The following UNC80 variants were observed in gnomAD, a reference collection of about 807,000 sequenced individuals.
The protein encoded by UNC80 is unc-80 subunit of NALCN channel complex.
A neutral mutation model predicts 384.6 loss-of-function variants in UNC80; 164 were observed. The ratio of observed to expected loss-of-function variants is 0.43; its 90% CI spans 0.38 to 0.49. The LOEUF is 0.49. Among genes scored for constraint, UNC80 ranks in the 20% least tolerant of loss-of-function variants. The pLI is 0.00. For synonymous variants in UNC80, 1,486 were observed against 1,527.8 expected (o/e 0.97, Z 0.64); for missense variants, 3,330 against 4,143.0 (o/e 0.80, Z 5.39).
rs928452376 is a variant in UNC80 at position 209,813,781 on chromosome 2, A to G, written c.1140A>G (p.Arg380=). The part of the protein sequence containing the change: ...PPEPDIPLLP[R]PRSSSMVAAA... ...AGCCAGATATTCCTCTCCTGCCCAG[A>G]CCCAGGAGTAGCTCCATGGTGGCAG... Residue 380 remains arginine (R), a synonymous_variant, in exon 8 of 65, where the codon AGA becomes AGG. Coordinates refer to ENST00000673920, the MANE Select transcript of UNC80 (RefSeq NM_001371986.1). The G allele has an allele frequency of 2.6e-6, 4 of 1,552,078 alleles. No homozygotes were observed. The highest frequency in any genetic ancestry group is 3.5e-6 in the Non-Finnish European group (4 of 1,147,072).
At chr2:209,879,440 G>A (rs1207376792) in intron 24 of UNC80, among the ~76,000 whole-genome samples, 1 of 152,106 alleles carries the variant, frequency 6.6e-6, no homozygotes, top group Non-Finnish European at 1.5e-5. Context: ...TTTTTGTTGA[G>A]ACTAGGTAGA....
intron 38 of UNC80, among the ~76,000 whole-genome samples, chr2:209,931,901 T>C (rs911458920): frequency 1.3e-5 from 2 of 152,218 alleles, no homozygotes; most frequent in African/African-American, 4.8e-5. Flanking sequence ...TTGGTGGTTT[T>C]CAGTCTCTCT....
chr2:209,825,974 T>C lies in UNC80; in HGVS notation c.2399T>C (p.Leu800Ser). ...LTMLIKIVKSLGCAYGCGEGH... is the reference protein window; with the variant it reads ...LTMLIKIVKSSGCAYGCGEGH... ...ATGCTCATCAAAATAGTGAAGTCTT[T>C]GGGATGTGCCTATGGTTGTGGTGAA... is the stretch of plus-strand genomic sequence containing the variant. The change falls in exon 14 of 65, where the codon TTG becomes TCG. Residue 800 changes from leucine to serine, a missense_variant. Transcript: ENST00000673920. The C allele has an allele frequency of 3.2e-6, 5 of 1,551,072 alleles. No homozygotes were observed. Among genetic ancestry groups the C allele is most frequent in the East Asian group, 2.4e-5 (1 of 40,890 alleles).
chr2:209,982,953 T>C (rs2093193349), intron 60 of UNC80: 1 of 53,186 alleles, frequency 1.9e-5, no homozygotes, highest in Admixed American at 1.6e-4. Context: ...TATATATATA[T>C]ATACACACAC....
At chr2:209,822,320 C>G (rs1294251755) in intron 13 of UNC80, among the ~76,000 whole-genome samples, 1 of 152,136 alleles carries the variant, frequency 6.6e-6, no homozygotes, top group Non-Finnish European at 1.5e-5. Context: ...TGAAAATTAT[C>G]TAAATAATGG....
chr2:209,980,493 C>T lies in UNC80; in HGVS notation c.9119-1686C>T, dbSNP rs979168032. 5.3e-5 allele frequency among the ~76,000 whole-genome samples: 8 copies of T among 152,252 alleles called. No homozygotes were observed. In the South Asian group the frequency reaches 1.5e-3, roughly 28 times the overall value. ...TGCTTATATCTCTGATCACAGACAT[C>T]GTAACCATCCCAATGAAAGCAAGAT... On this transcript the variant is annotated intron_variant, in intron 59 of 64. Transcript: ENST00000673920.
At position 209,787,734 on chromosome 2, in the gene UNC80, A is replaced by G. The variant is rs543190629; in HGVS notation, c.724+1545A>G. On this transcript the variant is annotated intron_variant, in intron 5 of 64. Coordinates refer to ENST00000673920, the MANE Select transcript of UNC80 (RefSeq NM_001371986.1). ...ATAGCCCATACAATTATATACGCACATAATACTTTATAATAATAACCAACA... is the reference window on the plus strand; with the variant it reads ...ATAGCCCATACAATTATATACGCACGTAATACTTTATAATAATAACCAACA... 8.5e-5 allele frequency among the ~76,000 whole-genome samples: 13 copies of G among 152,350 alleles called. No homozygotes were observed. The South Asian group carries it at 1.0e-3, about 12-fold the overall frequency.
At chr2:209,798,844 A>AT (rs1167727452) in intron 7 of UNC80, among the ~76,000 whole-genome samples, 36,542 of 126,580 alleles carry the variant, frequency 0.29, 5,628 homozygotes, top group Non-Finnish European at 0.33. Context: ...AGCCTGGCTA[A>AT]TTTTTTTTTT....
chr2:209,924,124 G>A (rs926299797), intron 35 of UNC80, among the ~76,000 whole-genome samples: 3 of 152,144 alleles, frequency 2.0e-5, no homozygotes, highest in Admixed American at 6.5e-5. Context: ...GTTAGTTTAT[G>A]TTGACTGCTT....
intron 47 of UNC80, among the ~76,000 whole-genome samples, chr2:209,950,325 A>G (rs1380023892): frequency 2.0e-5 from 3 of 152,000 alleles, no homozygotes; most frequent in African/African-American, 7.2e-5. Context: ...TGTTCCTGAT[A>G]TGCTTTTTTT....
intron 15 of UNC80, among the ~76,000 whole-genome samples, chr2:209,830,720 G>GA (rs2080893640): frequency 1.3e-5 from 2 of 152,196 alleles, no homozygotes; most frequent in Non-Finnish European, 2.9e-5. Flanking sequence ...GGATACCTAT[G>GA]AAAGATCCAG....
At chr2:209,828,792 A>G (rs992696827) in intron 14 of UNC80, among the ~76,000 whole-genome samples, 10 of 152,082 alleles carry the variant, frequency 6.6e-5, no homozygotes, top group South Asian at 6.2e-4. Context: ...ATTCCACTGT[A>G]TAGACATTCT....
chr2:209,857,292 C>A (rs190035024), intron 22 of UNC80, among the ~76,000 whole-genome samples: 1 of 152,200 alleles, frequency 6.6e-6, no homozygotes, highest in Admixed American at 6.5e-5. Flanking sequence ...TAGAGATGAT[C>A]GAAATTGAAA....
At chr2:209,879,139 A>G (rs2085051384) in intron 24 of UNC80, among the ~76,000 whole-genome samples, 1 of 151,890 alleles carries the variant, frequency 6.6e-6, no homozygotes, top group Admixed American at 6.6e-5. Flanking sequence ...CCAAATTATT[A>G]TGTCAGTCTT....
At chr2:209,874,218 A>G (rs1042494655) in intron 23 of UNC80, among the ~76,000 whole-genome samples, 2 of 152,312 alleles carry the variant, frequency 1.3e-5, no homozygotes, top group East Asian at 1.9e-4. Context: ...AGGTTTATAC[A>G]AGTCAAGCAG....
intron 51 of UNC80, among the ~76,000 whole-genome samples, chr2:209,961,581 G>T (rs1006893623): frequency 1.3e-5 from 2 of 151,912 alleles, no homozygotes; most frequent in Non-Finnish European, 2.9e-5. Context: ...AGATTAGCAC[G>T]GGAAATCAAT....
In UNC80 at chr2:209,872,894, G is replaced by A. The variant is rs1015799007; in HGVS notation, c.3764G>A (p.Arg1255His). ...NITKKGLSRG[R>H]SPIVGNKRNQ... Reference sequence around the variant, plus strand: ...ACCAAGAAAGGACTTTCCCGGGGACGCTCTCCCATTGTGGGCAACAAGCGA... The same window carrying A: ...ACCAAGAAAGGACTTTCCCGGGGACACTCTCCCATTGTGGGCAACAAGCGA... The change falls in exon 23 of 65, where the codon CGC becomes CAC. Residue 1255 changes from arginine (R) to histidine (H), a missense_variant. This residue lies in a region of UNC80 where 801 missense variants were observed against 950.8 expected (regional missense o/e 0.84). Coordinates refer to ENST00000673920, the MANE Select transcript of UNC80 (RefSeq NM_001371986.1). The surrounding 1 kb of genome is among the most constrained non-coding windows in gnomAD (Gnocchi z 4.1). 8.4e-6 allele frequency: 13 copies of A among 1,551,518 alleles called. No homozygotes were observed. Among genetic ancestry groups the A allele is most frequent in the South Asian group, 3.6e-5 (3 of 84,046 alleles).
In UNC80 at chr2:209,934,460, A is replaced by G. The variant is rs537569683; in HGVS notation, c.6178+455A>G. Among the ~76,000 whole-genome samples the G allele has an allele frequency of 1.9e-4, 29 of 152,356 alleles. No homozygotes were observed. The South Asian group carries it at 6.0e-3, about 32-fold the overall frequency. On this transcript the variant is annotated intron_variant, in intron 39 of 64. Coordinates refer to ENST00000673920, the MANE Select transcript of UNC80 (RefSeq NM_001371986.1). Reference sequence around the variant, plus strand: ...GCATTACAAAAGAACATGAAGCGTGATGTAAACTCAAGATACGGTTCCTTT... The same window carrying G: ...GCATTACAAAAGAACATGAAGCGTGGTGTAAACTCAAGATACGGTTCCTTT...
At chr2:209,992,493 A>G (rs929440244) in intron 62 of UNC80, among the ~76,000 whole-genome samples, 3 of 152,078 alleles carry the variant, frequency 2.0e-5, no homozygotes, top group Admixed American at 6.5e-5. Flanking sequence ...TAAAGTTTAT[A>G]TTTTGCATTC....
Sources: allele counts gnomAD v4.1 joint callset (sites outside exome capture counted in the v4.1 genomes callset), GRCh38; gene constraint gnomAD v4.1.1; regional missense constraint gnomAD v4.1.1; non-coding constraint Gnocchi (gnomAD v3.1); transcripts MANE v1.5; gene names NCBI Gene and HGNC (gene_info 2026-07-23, HGNC 2026-07-21).